Variants in CAMK4 observed in about 807,000 individuals in gnomAD.
The protein encoded by CAMK4 is calcium/calmodulin dependent protein kinase IV, also known as calcium/calmodulin-dependent protein kinase type IV.
Under a neutral mutation model 44.9 loss-of-function variants are expected in CAMK4, and 22 were observed. That is an observed-to-expected ratio of 0.49 (90% CI 0.35 to 0.70). The LOEUF (loss-of-function observed/expected upper bound fraction) is 0.70, where lower values mean the gene tolerates loss of function less well. Among genes scored for constraint, CAMK4 ranks in the 30% least tolerant of loss-of-function variants. CAMK4 has a pLI of 0.01. For synonymous variants in CAMK4, 218 were observed against 215.4 expected (o/e 1.01, Z -0.11); for missense variants, 498 against 586.8 (o/e 0.85, Z 1.56).
intron 1 of CAMK4, among the ~76,000 whole-genome samples, chr5:111,270,340 A>C: frequency 6.6e-6 from 1 of 151,666 alleles, no homozygotes; most frequent in Non-Finnish European, 1.5e-5. Flanking sequence ...ATTCACCATC[A>C]CTCCCTCTCA....
At chr5:111,417,564 G>T (rs1052707002) in intron 5 of CAMK4, among the ~76,000 whole-genome samples, 5 of 151,888 alleles carry the variant, frequency 3.3e-5, no homozygotes, top group Admixed American at 3.3e-4. Flanking sequence ...TCATTCTGTT[G>T]CCCAGGGTGA....
rs115554168 is a variant in CAMK4 at position 111,442,660 on chromosome 5, T to A, written c.460-4026T>A. On this transcript the variant is annotated intron_variant, in intron 5 of 10. Transcript: ENST00000282356. Reference sequence around the variant, plus strand: ...AGCTGTTTTCTGTTAAGCCAGAAATTAATGAAATTTACAAAACTGAAAGAC... The same window carrying A: ...AGCTGTTTTCTGTTAAGCCAGAAATAAATGAAATTTACAAAACTGAAAGAC... Among the ~76,000 whole-genome samples the A allele has an allele frequency of 5.9e-3, 887 of 149,774 alleles. 14 individuals are homozygous for A. Among genetic ancestry groups the A allele is most frequent in the African/African-American group, 0.021 (854 of 41,234 alleles).
chr5:111,255,454 T>A (rs763888328), intron 1 of CAMK4, among the ~76,000 whole-genome samples: 49 of 152,240 alleles, frequency 3.2e-4, no homozygotes, highest in Non-Finnish European at 6.6e-4. Context: ...TTTTCTGATT[T>A]TTCTGTACAT....
At chr5:111,397,379 C>T (rs467422) in intron 5 of CAMK4, among the ~76,000 whole-genome samples, 138,418 of 152,280 alleles carry the variant, frequency 0.91, 62,994 homozygotes, top group East Asian at 0.99. Flanking sequence ...TCATACTCAG[C>T]ACATTCATTT....
intron 7 of CAMK4, among the ~76,000 whole-genome samples, chr5:111,460,380 T>C (rs1159884355): frequency 6.7e-6 from 1 of 149,188 alleles, no homozygotes; most frequent in Non-Finnish European, 1.5e-5. Context: ...CAAGCAATTC[T>C]CCTGCCTCAG....
chr5:111,474,736 A>T (rs1215179632), intron 8 of CAMK4, among the ~76,000 whole-genome samples: 1 of 149,502 alleles, frequency 6.7e-6, no homozygotes, highest in Non-Finnish European at 1.5e-5. Flanking sequence ...ACGTTAGCAA[A>T]CTCTAATTTA....
rs1377140988 is a variant in CAMK4 at position 111,482,630 on chromosome 5, C to T, written c.829-155C>T. On this transcript the variant is annotated intron_variant, in intron 9 of 10. Coordinates refer to ENST00000282356, the MANE Select transcript of CAMK4 (RefSeq NM_001744.6). The surrounding 1 kb of genome is among the most constrained non-coding windows in gnomAD (Gnocchi z 4.9). Reference sequence around the variant, plus strand: ...CTACTGCTACCTGAAGCTGTGCCTACCTACAGTGGCCCCTGAGGACTTAAA... The same window carrying T: ...CTACTGCTACCTGAAGCTGTGCCTATCTACAGTGGCCCCTGAGGACTTAAA... 2 of 530,836 alleles carry T rather than the reference C, an allele frequency of 3.8e-6. No individual in the cohort carries two copies. Among genetic ancestry groups the T allele is most frequent in the Non-Finnish European group, 6.6e-6 (2 of 304,408 alleles). 32.9% of individuals were successfully genotyped at this position (530,836 alleles called of 1,614,324 possible).
chr5:111,274,818 G>A (rs1750686448), intron 1 of CAMK4, among the ~76,000 whole-genome samples: 1 of 152,034 alleles, frequency 6.6e-6, no homozygotes, highest in African/African-American at 2.4e-5. Context: ...AAGTACTATT[G>A]AGTAGGCAAC....
chr5:111,449,101 T>G (rs1415067507), intron 6 of CAMK4, 28 bp from the exon 7 acceptor site: 2 of 960,506 alleles, frequency 2.1e-6, no homozygotes, highest in Admixed American at 4.1e-5. Context: ...AAGACGTGCT[T>G]CATTAAATTT....
intron 1 of CAMK4, among the ~76,000 whole-genome samples, chr5:111,280,919 G>T (rs1580525009): frequency 1.3e-5 from 2 of 152,234 alleles, no homozygotes; most frequent in Non-Finnish European, 1.5e-5. Flanking sequence ...TACCAACAGT[G>T]AGAAAAGCAG....
chr5:111,491,477 T>C lies in CAMK4; in HGVS notation c.*7011T>C, dbSNP rs1402851389. The C allele has an allele frequency of 6.6e-6, 1 of 152,100 alleles. No homozygotes were observed. The highest frequency in any genetic ancestry group is 2.4e-5 in the African/African-American group (1 of 41,416). The allele number at this position is 152,100 out of a possible 1,614,324, so 9.4% of individuals were successfully genotyped here. A position where few individuals can be genotyped will look rare whatever the true frequency, so the allele number is the denominator to read the frequency against. ...GCTTAAGGTTCGTATTCCCATTTGC[T>C]TCTGAGAAAGTTAGGAAAATTTTGT... is the stretch of plus-strand genomic sequence containing the variant. On this transcript the variant is annotated 3_prime_UTR_variant, in exon 11 of 11. Coordinates refer to ENST00000282356, the MANE Select transcript of CAMK4 (RefSeq NM_001744.6).
chr5:111,264,102 C>T (rs1484946557), intron 1 of CAMK4, among the ~76,000 whole-genome samples: 2 of 152,122 alleles, frequency 1.3e-5, no homozygotes, highest in East Asian at 3.9e-4. Flanking sequence ...GAATGACTGG[C>T]TCTCTTTTTT....
intron 9 of CAMK4, among the ~76,000 whole-genome samples, chr5:111,479,544 C>G (rs1311717120): frequency 6.6e-6 from 1 of 152,192 alleles, no homozygotes; most frequent in African/African-American, 2.4e-5. Context: ...TAGGAGGCAT[C>G]TAGTCCTCCT....
At chr5:111,470,513 TATAA>T (rs138901260) in intron 7 of CAMK4, among the ~76,000 whole-genome samples, 1,998 of 152,172 alleles carry the variant, frequency 0.013, 52 homozygotes, top group African/African-American at 0.047. Context: ...TGATGAAAAA[TATAA>T]ACTTTATATC....
intron 5 of CAMK4, among the ~76,000 whole-genome samples, chr5:111,426,002 A>G (rs750256248): frequency 7.9e-5 from 12 of 152,170 alleles, no homozygotes; most frequent in Non-Finnish European, 1.5e-4. Context: ...ACATTTTTGT[A>G]TTTTTAATCC....
intron 1 of CAMK4, chr5:111,265,661 A>C (rs1388394657): frequency 6.6e-6 from 1 of 152,236 alleles, no homozygotes; most frequent in Admixed American, 6.5e-5. Flanking sequence ...CAAGGAATGC[A>C]AAATTTAGTA....
intron 1 of CAMK4, among the ~76,000 whole-genome samples, chr5:111,271,438 T>C (rs1354671331): frequency 6.6e-6 from 1 of 152,188 alleles, no homozygotes; most frequent in Non-Finnish European, 1.5e-5. Context: ...GCATATTAGC[T>C]AATGTGTAGT....
At chr5:111,281,445 C>T (rs1401148724) in intron 1 of CAMK4, among the ~76,000 whole-genome samples, 1 of 152,278 alleles carries the variant, frequency 6.6e-6, no homozygotes, top group East Asian at 1.9e-4. Flanking sequence ...CATCCCCTCT[C>T]CCTTAATCTA....
At chr5:111,335,985 A>G (rs1054739647) in intron 1 of CAMK4, among the ~76,000 whole-genome samples, 5 of 151,350 alleles carry the variant, frequency 3.3e-5, no homozygotes, top group Non-Finnish European at 7.4e-5. Flanking sequence ...TAACCATATT[A>G]GACAAAACTA....
Sources: allele counts gnomAD v4.1 joint callset (sites outside exome capture counted in the v4.1 genomes callset), GRCh38; gene constraint gnomAD v4.1.1; non-coding constraint Gnocchi (gnomAD v3.1); transcripts MANE v1.5; gene names NCBI Gene and HGNC (gene_info 2026-07-23, HGNC 2026-07-21).